LRIG1: variants seen among roughly 807,000 people sequenced by gnomAD.
LRIG1 encodes leucine rich repeats and immunoglobulin like domains 1.
LRIG1 carries 48 observed loss-of-function variants against 99.2 expected under a neutral mutation model. The ratio of observed to expected loss-of-function variants is 0.48; its 90% CI spans 0.38 to 0.62. The LOEUF (loss-of-function observed/expected upper bound fraction) is 0.62, where lower values mean the gene tolerates loss of function less well. Ranked by LOEUF, LRIG1 falls within the 20% of genes least tolerant of loss-of-function variation. The pLI is 0.00. For synonymous variants in LRIG1, 772 were observed against 596.1 expected, an observed-to-expected ratio of 1.29 and a Z score of -4.30; for missense variants, 1,646 against 1,434.4, an observed-to-expected ratio of 1.15 and a Z score of -2.38.
At chr3:66,460,507 C>G (rs980653642) in intron 2 of LRIG1, among the ~76,000 whole-genome samples, 2 of 152,134 alleles carry the variant, frequency 1.3e-5, no homozygotes, top group African/African-American at 4.8e-5. Context: ...GGCCCTGATC[C>G]AATATGACTG....
chr3:66,455,465 C>T (rs1008850517), intron 2 of LRIG1, among the ~76,000 whole-genome samples: 1 of 152,128 alleles, frequency 6.6e-6, no homozygotes, highest in African/African-American at 2.4e-5. Context: ...TGTTGTGTAC[C>T]GCCATTTCTC....
intron 3 of LRIG1, among the ~76,000 whole-genome samples, chr3:66,429,010 C>A (rs188397896): frequency 6.6e-6 from 1 of 152,172 alleles, no homozygotes; most frequent in Non-Finnish European, 1.5e-5. Context: ...AGCCCAGTGG[C>A]GGGATAAACA....
At position 66,431,345 on chromosome 3, in the gene LRIG1, T is replaced by C. The variant is rs546203657; in HGVS notation, c.366-14079A>G. ...GACAAGAAAAGCAGAAAAGGTGAGA[T>C]GGCAACGATCAAGAATGAGGTGATG... On this transcript the variant is annotated intron_variant, in intron 3 of 18. Coordinates refer to ENST00000273261, the MANE Select transcript of LRIG1 (RefSeq NM_015541.3). Among the ~76,000 whole-genome samples, 479 of 152,290 alleles carry C rather than the reference T, an allele frequency of 3.1e-3. 2 individuals carry two copies. Among genetic ancestry groups the C allele is most frequent in the African/African-American group, 0.011 (449 of 41,532 alleles).
At chr3:66,486,299 G>A (rs1470670559) in intron 1 of LRIG1, among the ~76,000 whole-genome samples, 1 of 152,086 alleles carries the variant, frequency 6.6e-6, no homozygotes, top group African/African-American at 2.4e-5. Flanking sequence ...CCATTTTACA[G>A]AAAAGGAAAC....
chr3:66,492,793 C>T (rs553671921), intron 1 of LRIG1, among the ~76,000 whole-genome samples: 3 of 152,098 alleles, frequency 2.0e-5, no homozygotes, highest in Non-Finnish European at 4.4e-5. Context: ...TGGGCCTTAC[C>T]GGTTATGCTA....
At chr3:66,404,981 C>T (rs1702208932) in intron 9 of LRIG1, among the ~76,000 whole-genome samples, 1 of 152,236 alleles carries the variant, frequency 6.6e-6, no homozygotes, top group African/African-American at 2.4e-5. Context: ...TGCCAGCCCC[C>T]AAGAACCCAA....
At chr3:66,472,992 A>T (rs1700638235) in intron 1 of LRIG1, among the ~76,000 whole-genome samples, 1 of 152,192 alleles carries the variant, frequency 6.6e-6, no homozygotes, top group Non-Finnish European at 1.5e-5. Flanking sequence ...ATGTCAGAAG[A>T]TTAAAAAAAA....
At chr3:66,453,950 C>A (rs1424984494) in intron 2 of LRIG1, among the ~76,000 whole-genome samples, 1 of 152,202 alleles carries the variant, frequency 6.6e-6, no homozygotes, top group African/African-American at 2.4e-5. Flanking sequence ...GGGAAGCGGG[C>A]ATCATGATAT....
intron 13 of LRIG1, 39 bp from the exon 14 acceptor site, chr3:66,384,311 G>C (rs961441144): frequency 7.6e-6 from 12 of 1,581,378 alleles, no homozygotes; most frequent in South Asian, 7.0e-5. Context: ...TTACGGGACA[G>C]CTAGATGCAA....
At chr3:66,403,164 C>T (rs973642490) in intron 9 of LRIG1, among the ~76,000 whole-genome samples, 4 of 152,156 alleles carry the variant, frequency 2.6e-5, no homozygotes, top group African/African-American at 9.7e-5. Flanking sequence ...TCATCTCTAC[C>T]TCTAGCCACT....
chr3:66,393,158 A>C (rs1701691014), intron 12 of LRIG1, among the ~76,000 whole-genome samples: 1 of 152,228 alleles, frequency 6.6e-6, no homozygotes, highest in African/African-American at 2.4e-5. Flanking sequence ...AGTAGGAGAC[A>C]GAAGTGGCCC....
chr3:66,383,882 G>A, intron 14 of LRIG1, 109 bp downstream of exon 14: 2 of 1,439,720 alleles, frequency 1.4e-6, no homozygotes, highest in Non-Finnish European at 1.8e-6. Flanking sequence ...TTCAAACAGG[G>A]TCGAAAGGCC....
rs1189804856 is a variant in LRIG1, at chr3:66,457,994, G to T, written c.290+4444C>A. ...ATGAAGGATATAGGAATTTAAGGTA[G>T]TGCAGCCGCCAAGGTTAGCACAGGT... is the stretch of plus-strand genomic sequence containing the variant. On this transcript the variant is annotated intron_variant, in intron 2 of 18. Coordinates refer to ENST00000273261, the MANE Select transcript of LRIG1 (RefSeq NM_015541.3). Among the ~76,000 whole-genome samples, 3 of 152,252 alleles carry T rather than the reference G, an allele frequency of 2.0e-5. No homozygotes were observed. The South Asian group carries it at 6.2e-4, about 32-fold the overall frequency.
intron 4 of LRIG1, among the ~76,000 whole-genome samples, chr3:66,416,246 G>A (rs1338163510): frequency 1.3e-5 from 2 of 152,198 alleles, no homozygotes; most frequent in Admixed American, 1.3e-4. Context: ...AAGGCCTCCT[G>A]TTCCCAACTC....
rs2106688421 is a variant in LRIG1 at position 66,415,014 on chromosome 3, C to T, written c.553G>A (p.Gly185Ser). The T allele has an allele frequency of 2.5e-6, 4 of 1,611,920 alleles. No homozygotes were observed. The highest frequency in any genetic ancestry group is 3.4e-6 in the Non-Finnish European group (4 of 1,179,076). Residue 185 changes from glycine to serine, a missense_variant, in exon 5 of 19, where the codon GGT (glycine) becomes AGT (serine). Coordinates refer to ENST00000273261, the MANE Select transcript of LRIG1 (RefSeq NM_015541.3). ...IGTLELGAFD[G>S]LSRSLLTLRL... ...AGAGTTAGCAGCGACCGTGACAGACCATCAAATGCTCCCAACTCCAGGGTG... is the reference window on the plus strand; with the variant it reads ...AGAGTTAGCAGCGACCGTGACAGACTATCAAATGCTCCCAACTCCAGGGTG...
intron 2 of LRIG1, among the ~76,000 whole-genome samples, chr3:66,457,677 T>C (rs1700261624): frequency 6.6e-6 from 1 of 152,236 alleles, no homozygotes; most frequent in African/African-American, 2.4e-5. Context: ...GCTGAGGCAC[T>C]AAGTAACTTG....
intron 7 of LRIG1, 145 bp downstream of exon 7, chr3:66,409,984 G>T: frequency 1.3e-6 from 1 of 749,288 alleles, no homozygotes; most frequent in Non-Finnish European, 2.1e-6. Flanking sequence ...TCCACCCTGG[G>T]CCTGGCTGGT....
chr3:66,391,808 C>G (rs1701630887), intron 12 of LRIG1, among the ~76,000 whole-genome samples: 2 of 152,054 alleles, frequency 1.3e-5, no homozygotes, highest in African/African-American at 2.4e-5. Context: ...ATTGAGAATA[C>G]TTCATCTACA....
intron 1 of LRIG1, among the ~76,000 whole-genome samples, chr3:66,492,669 C>T (rs144098792): frequency 3.3e-5 from 5 of 152,312 alleles, no homozygotes; most frequent in Non-Finnish European, 5.9e-5. Context: ...CTCTAAATGT[C>T]ACCTTTTGCC....
Sources: gnomAD v4.1 joint callset for allele counts (sites outside exome capture counted in the v4.1 genomes callset) on GRCh38, gnomAD v4.1.1 for gene constraint, MANE v1.5 for transcripts, NCBI Gene and HGNC (gene_info 2026-07-23, HGNC 2026-07-21) for gene names.